Variants in PRKAR2A observed in about 807,000 individuals in gnomAD.
PRKAR2A encodes cAMP-dependent protein kinase type II-alpha regulatory subunit.
In PRKAR2A, 29 loss-of-function variants were observed where a neutral mutation model predicts 51.9. The ratio of observed to expected loss-of-function variants is 0.56; its 90% CI spans 0.42 to 0.76. The LOEUF (loss-of-function observed/expected upper bound fraction) is 0.76, where lower values mean the gene tolerates loss of function less well. PRKAR2A is among the 30% of genes least tolerant of loss of function. PRKAR2A has a pLI of 0.00. For synonymous variants in PRKAR2A, 178 were observed against 186.2 expected, an observed-to-expected ratio of 0.96 and a Z score of 0.36; for missense variants, 445 against 512.1, an observed-to-expected ratio of 0.87 and a Z score of 1.26.
Position 48,809,571 on chromosome 3 carries a change from C to T in PRKAR2A, c.263-1887G>A, listed in dbSNP as rs563052150. Among the ~76,000 whole-genome samples, 60 of 114,892 alleles carry T rather than the reference C, an allele frequency of 5.2e-4. 1 individual carries two copies. Among genetic ancestry groups the T allele is most frequent in the Middle Eastern group, 0.018 (2 of 112 alleles). 75.4% of individuals were successfully genotyped at this position (114,892 alleles called of 152,430 possible). A position where few individuals can be genotyped will look rare whatever the true frequency, so the allele number is the denominator to read the frequency against. ...AGATTGCGCCACTGCACTCCAGCCT[C>T]GGTGACAGAGCAAGACTCCATCTCA... On this transcript the variant is annotated intron_variant, in intron 1 of 10. Transcript: ENST00000265563.
intron 1 of PRKAR2A, among the ~76,000 whole-genome samples, chr3:48,809,793 C>T (rs2107367555): frequency 6.6e-6 from 1 of 152,076 alleles, no homozygotes; most frequent in South Asian, 2.1e-4. Context: ...GTCAGAGTTA[C>T]AGAGTATCTG....
intron 1 of PRKAR2A, among the ~76,000 whole-genome samples, chr3:48,820,233 G>A (rs1225328970): frequency 6.6e-6 from 1 of 152,138 alleles, no homozygotes; most frequent in African/African-American, 2.4e-5. Context: ...GGGAATAAGA[G>A]GGTCATACAT....
At chr3:48,789,219 G>A (rs1049381772) in intron 4 of PRKAR2A, among the ~76,000 whole-genome samples, 1 of 152,156 alleles carries the variant, frequency 6.6e-6, no homozygotes, top group African/African-American at 2.4e-5. Context: ...AAGCAGCTCA[G>A]AAAAATACAG....
rs146154049 is a variant in PRKAR2A at position 48,764,516 on chromosome 3, C to A, written c.873+488G>T. 3.6e-3 allele frequency among the ~76,000 whole-genome samples: 542 copies of A among 152,218 alleles called. 6 individuals are homozygous for A. The highest frequency in any genetic ancestry group is 0.012 in the African/African-American group (511 of 41,542). On this transcript the variant is annotated intron_variant, in intron 8 of 10. Transcript: ENST00000265563. ...GGTGAGAGGAAGCAAGAGATCTGCA[C>A]GTGTCAGTAAGACGGACGTCAATAA...
At chr3:48,833,571 G>A (rs951928499) in intron 1 of PRKAR2A, among the ~76,000 whole-genome samples, 1 of 150,250 alleles carries the variant, frequency 6.7e-6, no homozygotes, top group South Asian at 2.1e-4. Context: ...AGCCGGATGT[G>A]GTGTCAGGCA....
chr3:48,843,247 G>A (rs1376480915), intron 1 of PRKAR2A, among the ~76,000 whole-genome samples: 21 of 151,920 alleles, frequency 1.4e-4, no homozygotes, highest in Admixed American at 6.6e-4. Context: ...CTGTGGGATC[G>A]GTGGTGATAT....
chr3:48,773,181 A>G, intron 5 of PRKAR2A, 73 bp from the exon 6 acceptor site: 1 of 1,239,734 alleles, frequency 8.1e-7, no homozygotes, highest in Non-Finnish European at 1.1e-6. Flanking sequence ...AGGTACATAT[A>G]ATAGAAAATG....
At chr3:48,772,515 T>C (rs1284397869) in intron 6 of PRKAR2A, among the ~76,000 whole-genome samples, 2 of 152,140 alleles carry the variant, frequency 1.3e-5, no homozygotes, top group Admixed American at 6.6e-5. Context: ...CCCCCATTAT[T>C]TATTATTCCC....
chr3:48,833,396 G>A (rs952001704), intron 1 of PRKAR2A, among the ~76,000 whole-genome samples: 5 of 152,042 alleles, frequency 3.3e-5, no homozygotes, highest in African/African-American at 9.7e-5. Flanking sequence ...AACAGCCCAC[G>A]GTTCCTCTTG....
chr3:48,783,044 CT>C lies in PRKAR2A; in HGVS notation c.483del (p.Ala162LeufsTer18). ...VLDAMFERIV[K>X]ADEHVIDQGD... ...CCTTGGTCAATGACATGCTCATCAG[CT>C]TTGACTATCCTTTCAAACATGGCAT... On this transcript the variant is annotated frameshift_variant, in exon 5 of 11. Transcript: ENST00000265563. LOFTEE classifies it high-confidence loss of function. 6.2e-7 allele frequency: 1 copy of C among 1,613,896 alleles called. No homozygotes were observed. Among genetic ancestry groups the C allele is most frequent in the Non-Finnish European group, 8.5e-7 (1 of 1,179,974 alleles).
chr3:48,820,318 C>T (rs2082941345), intron 1 of PRKAR2A, among the ~76,000 whole-genome samples: 1 of 152,080 alleles, frequency 6.6e-6, no homozygotes, highest in African/African-American at 2.4e-5. Context: ...CAGTAATGGG[C>T]CTACTGTAAT....
rs566735679 is a variant in PRKAR2A, at chr3:48,824,079, A to G, written c.263-16395T>C. On this transcript the variant is annotated intron_variant, in intron 1 of 10. Transcript: ENST00000265563. ...AACATGGCGAAACCCTGTCTCTATT[A>G]AAAATACAAAAATTAGCCAGGCGTG... is the stretch of plus-strand genomic sequence containing the variant. Among the ~76,000 whole-genome samples the G allele has an allele frequency of 4.6e-5, 7 of 152,252 alleles. No homozygotes were observed. In the South Asian group the frequency reaches 1.0e-3, roughly 23 times the overall value.
intron 2 of PRKAR2A, among the ~76,000 whole-genome samples, chr3:48,804,488 G>T (rs1437684870): frequency 6.6e-6 from 1 of 151,958 alleles, no homozygotes; most frequent in Non-Finnish European, 1.5e-5. Flanking sequence ...TTTAAAAACA[G>T]GGAAAGCAAA....
intron 4 of PRKAR2A, among the ~76,000 whole-genome samples, chr3:48,783,587 T>G (rs577827011): frequency 5.3e-5 from 8 of 152,296 alleles, no homozygotes; most frequent in South Asian, 2.1e-4. Context: ...TTGTTTGTTT[T>G]TTTTTGTTCT....
intron 8 of PRKAR2A, among the ~76,000 whole-genome samples, chr3:48,764,102 T>C (rs2081903049): frequency 6.6e-6 from 1 of 152,186 alleles, no homozygotes; most frequent in South Asian, 2.1e-4. Flanking sequence ...AGGATAAGCA[T>C]ATCACCCAAC....
rs141752478 is a variant in PRKAR2A, at chr3:48,753,952, C to T, written c.940-1635G>A. Among the ~76,000 whole-genome samples, 455 of 141,646 alleles carry T rather than the reference C, an allele frequency of 3.2e-3. 2 individuals are homozygous for T. The highest frequency in any genetic ancestry group is 0.011 in the African/African-American group (433 of 37,674). 92.9% of individuals were successfully genotyped at this position (141,646 alleles called of 152,430 possible). On this transcript the variant is annotated intron_variant, in intron 9 of 10. Coordinates refer to ENST00000265563, the MANE Select transcript of PRKAR2A (RefSeq NM_004157.4). ...TCACTCTGTTGCCCAGGCTGGAGTG[C>T]AGTGGTGTGATCTCAGCTCACTGCA...
chr3:48,765,399 T>C (rs755509453), intron 6 of PRKAR2A, 50 bp from the exon 7 acceptor site: 6 of 1,303,330 alleles, frequency 4.6e-6, no homozygotes, highest in South Asian at 4.1e-5. Flanking sequence ...TACAGGAACA[T>C]CTATGGTTTA....
intron 1 of PRKAR2A, among the ~76,000 whole-genome samples, chr3:48,824,682 C>T (rs191684140): frequency 5.9e-5 from 9 of 152,258 alleles, no homozygotes; most frequent in Admixed American, 2.0e-4. Context: ...TGATGGCTCA[C>T]GCCCATGTAA....
At chr3:48,789,305 C>CCTA (rs1203742576) in intron 4 of PRKAR2A, among the ~76,000 whole-genome samples, 2 of 152,040 alleles carry the variant, frequency 1.3e-5, no homozygotes, top group African/African-American at 4.8e-5. Context: ...AGTGTTGAAC[C>CCTA]CTACTGATGT....
Sources: gnomAD v4.1 joint callset for allele counts (sites outside exome capture counted in the v4.1 genomes callset) on GRCh38, gnomAD v4.1.1 for gene constraint, MANE v1.5 for transcripts, NCBI Gene and HGNC (gene_info 2026-07-23, HGNC 2026-07-21) for gene names.